DENND4C: variants seen among roughly 807,000 people sequenced by gnomAD.
DENND4C encodes the protein DENN domain-containing protein 4C.
DENND4C carries 108 observed loss-of-function variants against 203.0 expected under a neutral mutation model. The observed-to-expected ratio is 0.53, with a 90% CI of 0.46 to 0.62. The LOEUF (loss-of-function observed/expected upper bound fraction) is 0.62. Ranked by LOEUF, DENND4C falls within the 20% of genes least tolerant of loss-of-function variation. DENND4C has a pLI of 0.00. For synonymous variants in DENND4C, 871 were observed against 792.4 expected (o/e 1.10, Z -1.67); for missense variants, 2,481 against 2,301.2 (o/e 1.08, Z -1.60).
chr9:19,312,860 C>A (rs11789075), intron 10 of DENND4C, among the ~76,000 whole-genome samples: 37,647 of 152,010 alleles, frequency 0.25, 4,887 homozygotes, highest in East Asian at 0.42. Flanking sequence ...CTCATTAATA[C>A]GTTATGTTAG....
chr9:19,248,382 A>C (rs1825767211), intron 1 of DENND4C, among the ~76,000 whole-genome samples: 1 of 151,316 alleles, frequency 6.6e-6, no homozygotes, highest in African/African-American at 2.4e-5. Context: ...CCCTGCTTAG[A>C]TCTTACTTCT....
In DENND4C at chr9:19,360,349, C is replaced by G. The variant is rs750936937; in HGVS notation, c.5266C>G (p.Gln1756Glu). 6.2e-7 allele frequency: 1 copy of G among 1,614,066 alleles called. No individual in the cohort carries two copies. Among genetic ancestry groups the G allele is most frequent in the Non-Finnish European group, 8.5e-7 (1 of 1,180,012 alleles). The change falls in exon 29 of 33, where the codon CAG (glutamine) becomes GAG (glutamate). Residue 1756 changes from glutamine (Q) to glutamate (E), a missense_variant. By Grantham distance (29) the Gln-to-Glu change is conservative. This residue lies in a region of DENND4C where 2,289 missense variants were observed against 2,113.3 expected (regional missense o/e 1.08). Transcript: ENST00000434457. ...ATCTTTGCTAGAAAATGAAGGTGAT[C>G]AGGTGATTCATACATCTTCTTTCAT... The part of the protein sequence containing the change: ...LESLLENEGD[Q>E]VIHTSSFINQ...
At chr9:19,336,990 G>A (rs1011754216) in intron 20 of DENND4C, among the ~76,000 whole-genome samples, 158 bp downstream of exon 20, 2 of 152,122 alleles carry the variant, frequency 1.3e-5, no homozygotes, top group Non-Finnish European at 2.9e-5. Context: ...GATGACTTCT[G>A]TTTATTTCCT....
At chr9:19,348,967 C>G (rs1389485374) in intron 23 of DENND4C, among the ~76,000 whole-genome samples, 2 of 152,102 alleles carry the variant, frequency 1.3e-5, no homozygotes, top group Non-Finnish European at 2.9e-5. Flanking sequence ...CCCACCATGA[C>G]TGCTAATATT....
chr9:19,274,122 A>G (rs1832351000), intron 1 of DENND4C, among the ~76,000 whole-genome samples: 1 of 152,070 alleles, frequency 6.6e-6, no homozygotes, highest in South Asian at 2.1e-4. Context: ...ATTTATCACA[A>G]AATAATTATG....
chr9:19,268,184 C>T (rs1051559601), intron 1 of DENND4C, among the ~76,000 whole-genome samples: 3 of 151,832 alleles, frequency 2.0e-5, no homozygotes, highest in Admixed American at 6.6e-5. Flanking sequence ...ACTGTAGCCT[C>T]GACCTCTCCG....
At chr9:19,262,778 A>G (rs997840812) in intron 1 of DENND4C, among the ~76,000 whole-genome samples, 6 of 151,896 alleles carry the variant, frequency 4.0e-5, no homozygotes, top group African/African-American at 7.3e-5. Context: ...CATGTTGGCC[A>G]GGCTGGTCTC....
Position 19,305,459 on chromosome 9 carries a change from G to T in DENND4C, c.1419G>T (p.Arg473Ser). 1.2e-6 allele frequency: 2 copies of T among 1,613,826 alleles called. No homozygotes were observed. Among genetic ancestry groups the T allele is most frequent in the Non-Finnish European group, 1.7e-6 (2 of 1,179,950 alleles). Residue 473 changes from arginine (R) to serine (S), a missense_variant, in exon 10 of 33, where the codon AGG becomes AGT. Coordinates refer to ENST00000434457, the MANE Select transcript of DENND4C (RefSeq NM_001330640.2). ...PLPFIVGVDS[R>S]YFDLHDPPQD... ...CATTTATAGTTGGAGTTGACTCAAGGTATTTTGATCTTCATGACCCACCAC... is the reference window on the plus strand; with the variant it reads ...CATTTATAGTTGGAGTTGACTCAAGTTATTTTGATCTTCATGACCCACCAC...
At chr9:19,257,912 C>G (rs1412033332) in intron 1 of DENND4C, among the ~76,000 whole-genome samples, 1 of 152,042 alleles carries the variant, frequency 6.6e-6, no homozygotes, top group Non-Finnish European at 1.5e-5. Flanking sequence ...CGCTTGAGCC[C>G]AGGAGTTTTA....
At position 19,299,210 on chromosome 9, in the gene DENND4C, T is replaced by TA; in HGVS notation, c.1108-19_1108-18insA. On this transcript the variant is annotated intron_variant, in intron 7 of 32. Coordinates refer to ENST00000434457, the MANE Select transcript of DENND4C (RefSeq NM_001330640.2). ...GGTTAATTTATCTTTGGTTAATTTA[T>TA]CTTTTTTTTTTTTTTAAGCTGTCAG... The TA allele has an allele frequency of 6.6e-7, 1 of 1,522,476 alleles. No individual in the cohort carries two copies. The highest frequency in any genetic ancestry group is 2.4e-5 in the East Asian group (1 of 42,110). The allele number at this position is 1,522,476 out of a possible 1,614,324, so 94.3% of individuals were successfully genotyped here.
intron 2 of DENND4C, among the ~76,000 whole-genome samples, chr9:19,283,926 C>T (rs1834680881): frequency 6.6e-6 from 1 of 152,154 alleles, no homozygotes; most frequent in South Asian, 2.1e-4. Flanking sequence ...GAATCATAGA[C>T]CATACGAAGT....
chr9:19,295,965 C>G (rs1837380587), intron 5 of DENND4C, 43 bp from the exon 6 acceptor site: 3 of 1,432,620 alleles, frequency 2.1e-6, no homozygotes, highest in Admixed American at 4.1e-5. Flanking sequence ...TTAATTTTTT[C>G]AAACAAACTC....
intron 10 of DENND4C, among the ~76,000 whole-genome samples, chr9:19,311,792 G>A (rs1490516209): frequency 6.6e-6 from 1 of 152,122 alleles, no homozygotes; most frequent in African/African-American, 2.4e-5. Flanking sequence ...GCTATTTGAG[G>A]ATGATGGGAA....
chr9:19,364,822 G>A (rs1341741841), intron 30 of DENND4C, among the ~76,000 whole-genome samples: 1 of 152,146 alleles, frequency 6.6e-6, no homozygotes, highest in Non-Finnish European at 1.5e-5. Context: ...GGAGGCCTGG[G>A]AGGCGGAAGT....
chr9:19,276,046 A>G (rs1832849097), intron 1 of DENND4C, 112 bp from the exon 2 acceptor site: 2 of 515,358 alleles, frequency 3.9e-6, no homozygotes, highest in East Asian at 3.5e-5. Context: ...CAATTTGATT[A>G]TAAATCTAGC....
chr9:19,251,637 AAG>A (rs1826624803), intron 1 of DENND4C, among the ~76,000 whole-genome samples: 1 of 152,168 alleles, frequency 6.6e-6, no homozygotes, highest in African/African-American at 2.4e-5. Context: ...AAGAGCACCC[AAG>A]TCACTTCTTG....
In DENND4C at chr9:19,314,357, G is replaced by C. The variant is rs181801396; in HGVS notation, c.1488-2060G>C. Among the ~76,000 whole-genome samples the C allele has an allele frequency of 3.9e-5, 6 of 152,134 alleles. No individual in the cohort carries two copies. In the East Asian group the frequency reaches 1.2e-3, roughly 29 times the overall value. On this transcript the variant is annotated intron_variant, in intron 10 of 32. Transcript: ENST00000434457. ...TAGTCCCAGCTACTCAGGAGCCTGA[G>C]GCAGGAGAATCGCTTGAACCTGGGA...
chr9:19,263,195 A>G (rs1588775294), intron 1 of DENND4C, among the ~76,000 whole-genome samples: 1 of 152,158 alleles, frequency 6.6e-6, no homozygotes, highest in South Asian at 2.1e-4. Flanking sequence ...TGAAATGATC[A>G]TATGGTTTTT....
rs190297203 is a variant in DENND4C at position 19,232,440 on chromosome 9, C to T, written c.-18+1607C>T. Among the ~76,000 whole-genome samples the T allele has an allele frequency of 3.9e-3, 541 of 139,028 alleles. 3 individuals are homozygous for T. Among genetic ancestry groups the T allele is most frequent in the African/African-American group, 0.014 (519 of 38,426 alleles). The allele number at this position is 139,028 out of a possible 152,430, so 91.2% of individuals were successfully genotyped here. ...GACTTGACTTTGGCCAATAGTACCT[C>T]GTGCAGTGTACAGTACTACTATTTA... On this transcript the variant is annotated intron_variant, in intron 1 of 32. Coordinates refer to ENST00000434457, the MANE Select transcript of DENND4C (RefSeq NM_001330640.2).
Sources: allele counts gnomAD v4.1 joint callset (sites outside exome capture counted in the v4.1 genomes callset), GRCh38; gene constraint gnomAD v4.1.1; regional missense constraint gnomAD v4.1.1; transcripts MANE v1.5; gene names NCBI Gene and HGNC (gene_info 2026-07-23, HGNC 2026-07-21).